The following ECM2 variants were observed in gnomAD, a reference collection of about 807,000 sequenced individuals.
ECM2 encodes extracellular matrix protein 2, female organ and adipocyte specific.
In ECM2, 57 loss-of-function variants were observed where a neutral mutation model predicts 67.5. That is an observed-to-expected ratio of 0.84 (90% CI 0.68 to 1.05). The LOEUF is 1.05. Among genes scored for constraint, ECM2 ranks in the 50% least tolerant of loss-of-function variants. The probability of loss-of-function intolerance (pLI) is 0.00; values close to 1 mark genes in which losing one functional copy is unlikely to be tolerated. For missense variants in ECM2, 741 were observed against 822.8 expected, an observed-to-expected ratio of 0.90 and a Z score of 1.22; for synonymous variants, 258 against 294.5, an observed-to-expected ratio of 0.88 and a Z score of 1.27.
At chr9:92,507,328 A>C (rs1430042396) in intron 6 of ECM2, among the ~76,000 whole-genome samples, 1 of 152,232 alleles carries the variant, frequency 6.6e-6, no homozygotes, top group Non-Finnish European at 1.5e-5. Flanking sequence ...TCTCTAGTAC[A>C]TAGGTGAAGT....
intron 7 of ECM2, among the ~76,000 whole-genome samples, chr9:92,504,219 T>C (rs1846855753): frequency 6.6e-6 from 1 of 152,246 alleles, no homozygotes; most frequent in African/African-American, 2.4e-5. Flanking sequence ...TCCAAGAGTC[T>C]GTATTTCTTA....
At position 92,514,693 on chromosome 9, in the gene ECM2, T is replaced by C. The variant is rs1253056223; in HGVS notation, c.992A>G (p.Asn331Ser). The change falls in exon 4 of 10, where the codon AAC (asparagine) becomes AGC (serine). Residue 331 changes from asparagine (N) to serine (S), a missense_variant. By Grantham distance (46) the Asn-to-Ser change is conservative. Transcript: ENST00000344604. ...CGGTGGTATCTGGGTAAGCATGGCG[T>C]TGATGCAGCTGATGGTCCTGTAGGA... ...SLSYRTISCINAMLTQIPPLT... is the reference protein window; with the variant it reads ...SLSYRTISCISAMLTQIPPLT... 6.2e-7 allele frequency: 1 copy of C among 1,612,200 alleles called. No homozygotes were observed. Among genetic ancestry groups the C allele is most frequent in the Admixed American group, 1.7e-5 (1 of 59,876 alleles).
chr9:92,513,517 A>G (rs1019032887), intron 4 of ECM2, among the ~76,000 whole-genome samples: 2 of 152,210 alleles, frequency 1.3e-5, no homozygotes, highest in Non-Finnish European at 2.9e-5. Flanking sequence ...GCAACTTTAT[A>G]CATAATCACC....
chr9:92,553,314 C>T, the ECM2 span, among the ~76,000 whole-genome samples: 1 of 151,892 alleles, frequency 6.6e-6, no homozygotes, highest in Admixed American at 6.6e-5. Flanking sequence ...GTGACTGTGG[C>T]CTTATAGTTT....
chr9:92,521,521 G>A (rs368097161), intron 2 of ECM2, among the ~76,000 whole-genome samples: 6 of 152,196 alleles, frequency 3.9e-5, no homozygotes, highest in Non-Finnish European at 5.9e-5. Context: ...TAGCTGTATT[G>A]AGACAATATA....
At chr9:92,505,752 C>T in intron 6 of ECM2, 62 bp from the exon 7 acceptor site, 3 of 1,383,384 alleles carry the variant, frequency 2.2e-6, no homozygotes, top group Non-Finnish European at 2.0e-6. Flanking sequence ...ATTTTTGTAG[C>T]CTTTTGAAAT....
chr9:92,525,328 A>G (rs1044108130), intron 1 of ECM2, among the ~76,000 whole-genome samples: 3 of 152,072 alleles, frequency 2.0e-5, no homozygotes, highest in Admixed American at 1.3e-4. Flanking sequence ...AAAAAAAAAA[A>G]AAGAAAAGAA....
the ECM2 span, among the ~76,000 whole-genome samples, chr9:92,549,646 CA>C: frequency 3.3e-4 from 30 of 90,558 alleles, no homozygotes; most frequent in Admixed American, 8.4e-4. Context: ...GACTCCGTCT[CA>C]AAAAAAAAAA....
At chr9:92,502,450 C>CT in intron 8 of ECM2, 63 bp downstream of exon 8, 1 of 1,571,888 alleles carries the variant, frequency 6.4e-7, no homozygotes, top group Admixed American at 1.7e-5. Context: ...TTTCCATACT[C>CT]TGTTTAATAA....
chr9:92,501,088 A>C (rs1407944770), intron 8 of ECM2, 35 bp from the exon 9 acceptor site: 4 of 1,591,168 alleles, frequency 2.5e-6, no homozygotes, highest in Non-Finnish European at 3.4e-6. Context: ...GGGTAGGGAC[A>C]TCAGGATGGT....
intron 1 of ECM2, among the ~76,000 whole-genome samples, chr9:92,534,011 G>A (rs902115760): frequency 1.3e-5 from 2 of 151,980 alleles, no homozygotes; most frequent in South Asian, 4.1e-4. Flanking sequence ...TGTTTTTGCT[G>A]TTTAATGTAT....
In ECM2 at chr9:92,532,024, TTTTTATTTTA is replaced by T. The variant is rs1204286009; in HGVS notation, c.-28+3899_-28+3908del. On this transcript the variant is annotated intron_variant, in intron 1 of 9. Transcript: ENST00000344604. ...TCTTTTTTTATTTAATGTTTTTTTT[TTTTTATTTTA>T]TTTTTTTTTTGAGATGAGGTCTCAC... Among the ~76,000 whole-genome samples, 13 of 129,056 alleles carry T rather than the reference TTTTTATTTTA, an allele frequency of 1.0e-4. 3 individuals are homozygous for T. The highest frequency in any genetic ancestry group is 9.4e-4 in the South Asian group (4 of 4,248). 84.7% of individuals were successfully genotyped at this position (129,056 alleles called of 152,430 possible).
At chr9:92,537,426 A>G (rs149101931), upstream of ECM2, among the ~76,000 whole-genome samples, 206 of 152,148 alleles carry the variant, frequency 1.4e-3, 2 homozygotes, top group East Asian at 0.018. Context: ...TTTGGGAGGC[A>G]GAGACAGGTG....
In ECM2 at chr9:92,514,794, C is replaced by T. The variant is rs1847583725; in HGVS notation, c.891G>A (p.Met297Ile). ...EDEEDPVRGDMFRMPSRSPLP... is the reference protein window; with the variant it reads ...EDEEDPVRGDIFRMPSRSPLP... ...GCGGGGATCGAGAGGGCATTCGGAACATATCTCCTCTTACCGGGTCCTCCT... is the reference window on the plus strand; with the variant it reads ...GCGGGGATCGAGAGGGCATTCGGAATATATCTCCTCTTACCGGGTCCTCCT... The change falls in exon 4 of 10, where the codon ATG becomes ATA. Residue 297 changes from methionine (M) to isoleucine (I), a missense_variant. Met to Ile is a conservative substitution (Grantham distance 10). Coordinates refer to ENST00000344604, the MANE Select transcript of ECM2 (RefSeq NM_001393.4). 6.2e-7 allele frequency: 1 copy of T among 1,613,956 alleles called. No homozygotes were observed. Among genetic ancestry groups the T allele is most frequent in the Non-Finnish European group, 8.5e-7 (1 of 1,179,952 alleles).
rs778894837 is a variant in ECM2, at chr9:92,522,755, A to T, written c.112T>A (p.Leu38Met). 6.2e-7 allele frequency: 1 copy of T among 1,614,096 alleles called. No individual in the cohort carries two copies. Among genetic ancestry groups the T allele is most frequent in the South Asian group, 1.1e-5 (1 of 91,070 alleles). The change falls in exon 2 of 10, where the codon TTG (leucine) becomes ATG (methionine). Residue 38 changes from leucine (L) to methionine (M), a missense_variant. Leu to Met is a conservative substitution (Grantham distance 15). Transcript: ENST00000344604. ...KQRRKIYHRRLRKSSTSHKHR... is the reference protein window; with the variant it reads ...KQRRKIYHRRMRKSSTSHKHR... ...TTGTGTGAGGTTGAACTTTTCCTCA[A>T]CCTTCTGTGGTAGATCTTCCTCCTT...
chr9:92,556,736 A>G, the ECM2 span, among the ~76,000 whole-genome samples: 1 of 152,130 alleles, frequency 6.6e-6, no homozygotes, highest in South Asian at 2.1e-4. Context: ...TTATGTGTTA[A>G]GTGAGTCTCC....
chr9:92,554,113 G>A, the ECM2 span, among the ~76,000 whole-genome samples: 2 of 152,050 alleles, frequency 1.3e-5, no homozygotes, highest in African/African-American at 4.8e-5. Flanking sequence ...AGTTTTAATC[G>A]TAAAGCGATG....
chr9:92,547,486 A>G, the ECM2 span, among the ~76,000 whole-genome samples: 1 of 152,270 alleles, frequency 6.6e-6, no homozygotes, highest in Non-Finnish European at 1.5e-5. Flanking sequence ...AAGGAATGTC[A>G]TACTGACACA....
intron 5 of ECM2, among the ~76,000 whole-genome samples, chr9:92,510,992 G>A (rs1262630981): frequency 2.0e-5 from 3 of 152,158 alleles, no homozygotes; most frequent in Non-Finnish European, 4.4e-5. Context: ...CTGCCCAAGG[G>A]AGTAACAGTT....
Sources: allele counts gnomAD v4.1 joint callset (sites outside exome capture counted in the v4.1 genomes callset), GRCh38; gene constraint gnomAD v4.1.1; transcripts MANE v1.5; gene names NCBI Gene and HGNC (gene_info 2026-07-23, HGNC 2026-07-21).